The following SRRM4 variants were observed in gnomAD, a reference collection of about 807,000 sequenced individuals.
SRRM4 encodes serine/arginine repetitive matrix 4.
SRRM4 carries 33 observed loss-of-function variants against 68.9 expected under a neutral mutation model. The observed-to-expected ratio is 0.48, with a 90% CI of 0.36 to 0.64. The LOEUF is 0.64. Ranked by LOEUF, SRRM4 falls within the 30% of genes least tolerant of loss-of-function variation. The pLI is 0.00. For missense variants in SRRM4, 817 were observed against 827.1 expected (o/e 0.99, Z 0.15); for synonymous variants, 318 against 318.8 (o/e 1.00, Z 0.03).
intron 7 of SRRM4, among the ~76,000 whole-genome samples, chr12:119,125,681 G>A (rs1183302721): frequency 6.6e-6 from 1 of 151,882 alleles, no homozygotes; most frequent in Non-Finnish European, 1.5e-5. Flanking sequence ...TAGCACTTTG[G>A]GAGGCCGAGG....
intron 6 of SRRM4, 112 bp from the exon 7 acceptor site, chr12:119,125,269 G>A: frequency 1.1e-6 from 1 of 920,206 alleles, no homozygotes; most frequent in Non-Finnish European, 1.7e-6. Flanking sequence ...ACTTCGGGAG[G>A]GATGGTGACC....
At chr12:119,013,226 T>C (rs1362037079) in intron 1 of SRRM4, among the ~76,000 whole-genome samples, 1 of 151,462 alleles carries the variant, frequency 6.6e-6, no homozygotes, top group African/African-American at 2.4e-5. Flanking sequence ...ATAAAGAATG[T>C]CAACAACAAC....
At chr12:119,067,899 A>C (rs1009108220) in intron 1 of SRRM4, among the ~76,000 whole-genome samples, 4 of 152,124 alleles carry the variant, frequency 2.6e-5, no homozygotes, top group Non-Finnish European at 5.9e-5. Flanking sequence ...AATGCACATA[A>C]AGCTCTTAGC....
chr12:119,098,565 G>T lies in SRRM4; in HGVS notation c.132-3671G>T, dbSNP rs113969927. The stretch of plus-strand genomic sequence containing the variant: ...GAGGCAGAAAGACGCAGTCTTGCTC[G>T]CAGGGAGCTCATAGTCCAATTTGAT... On this transcript the variant is annotated intron_variant, in intron 1 of 12. Transcript: ENST00000267260. 1.7e-4 allele frequency among the ~76,000 whole-genome samples: 26 copies of T among 152,308 alleles called. 1 individual carries two copies. The highest frequency in any genetic ancestry group is 3.4e-3 in the Middle Eastern group (1 of 294).
At chr12:119,018,732 A>G (rs1472392859) in intron 1 of SRRM4, among the ~76,000 whole-genome samples, 1 of 152,222 alleles carries the variant, frequency 6.6e-6, no homozygotes, top group Non-Finnish European at 1.5e-5. Context: ...ATTTAGAAAG[A>G]ATCCAATGCC....
chr12:119,137,848 G>A (rs1189530328), intron 8 of SRRM4, among the ~76,000 whole-genome samples: 2 of 152,098 alleles, frequency 1.3e-5, no homozygotes, highest in East Asian at 3.9e-4. Flanking sequence ...CCGGTCTCCT[G>A]GTTCCTTTCA....
intron 1 of SRRM4, among the ~76,000 whole-genome samples, chr12:119,080,831 C>T (rs1525954): frequency 0.88 from 134,316 of 152,208 alleles, 59,625 homozygotes; most frequent in Middle Eastern, 0.95. Context: ...TCTTCAATCT[C>T]TCTTTTTTCA....
chr12:119,116,407 G>T (rs1406870728), intron 3 of SRRM4, among the ~76,000 whole-genome samples: 2 of 152,198 alleles, frequency 1.3e-5, no homozygotes, highest in Non-Finnish European at 2.9e-5. Context: ...GGAGACAAAG[G>T]ATGGGGCAAA....
intron 1 of SRRM4, among the ~76,000 whole-genome samples, chr12:118,993,451 A>G (rs1032812721): frequency 6.6e-6 from 1 of 152,174 alleles, no homozygotes; most frequent in African/African-American, 2.4e-5. Flanking sequence ...GGGGGCATGG[A>G]GGGATTGGAG....
intron 8 of SRRM4, among the ~76,000 whole-genome samples, chr12:119,144,080 C>T (rs1020023705): frequency 4.6e-5 from 7 of 152,114 alleles, no homozygotes; most frequent in Admixed American, 3.3e-4. Context: ...GGCTTTCCAT[C>T]GCCTCCTTTA....
At chr12:118,995,592 T>C (rs1397396773) in intron 1 of SRRM4, among the ~76,000 whole-genome samples, 1 of 152,210 alleles carries the variant, frequency 6.6e-6, no homozygotes, top group East Asian at 1.9e-4. Flanking sequence ...TGTAGAATGC[T>C]TTCCGGAAAC....
intron 1 of SRRM4, chr12:119,069,697 G>T (rs937827157): frequency 6.6e-6 from 1 of 152,166 alleles, no homozygotes; most frequent in Non-Finnish European, 1.5e-5. Flanking sequence ...TAAGAGAAAA[G>T]AATGAATGTT....
intron 2 of SRRM4, among the ~76,000 whole-genome samples, chr12:119,113,659 A>T (rs1046306436): frequency 6.6e-6 from 1 of 152,174 alleles, no homozygotes; most frequent in Non-Finnish European, 1.5e-5. Context: ...TAGTGTTTTT[A>T]AAAAAATCCC....
intron 7 of SRRM4, among the ~76,000 whole-genome samples, chr12:119,130,377 A>G (rs1954288899): frequency 7.2e-6 from 1 of 139,742 alleles, no homozygotes; most frequent in Admixed American, 7.1e-5. Flanking sequence ...AGAGATGGCT[A>G]GTTAGATGGA....
chr12:119,117,172 G>A (rs149865870), intron 4 of SRRM4, among the ~76,000 whole-genome samples, 164 bp downstream of exon 4: 10 of 152,248 alleles, frequency 6.6e-5, no homozygotes, highest in South Asian at 4.2e-4. Context: ...CTGTGGCTGC[G>A]AAGACTAGAG....
intron 1 of SRRM4, among the ~76,000 whole-genome samples, chr12:118,984,347 C>A (rs1180877976): frequency 9.9e-5 from 15 of 152,174 alleles, no homozygotes; most frequent in Admixed American, 9.8e-4. Flanking sequence ...GGCACAATAT[C>A]AGCTGGGTTT....
chr12:119,136,290 C>G (rs963955344), intron 8 of SRRM4, among the ~76,000 whole-genome samples: 3 of 152,182 alleles, frequency 2.0e-5, no homozygotes, highest in African/African-American at 4.8e-5. Context: ...CTGGATGGCT[C>G]AGGCCTTCTG....
chr12:119,088,668 G>A (rs993470312), intron 1 of SRRM4, among the ~76,000 whole-genome samples: 7 of 151,554 alleles, frequency 4.6e-5, no homozygotes, highest in Admixed American at 6.6e-5. Context: ...TTCCTTTTGG[G>A]GGGCGTGGGG....
rs1281356049 is a variant in SRRM4, at chr12:119,130,209, CAGAT to C, written c.615-464_615-461del. Among the ~76,000 whole-genome samples the C allele has an allele frequency of 2.4e-4, 32 of 133,808 alleles. 1 individual carries two copies. The Middle Eastern group carries it at 0.02, about 83-fold the overall frequency. 87.8% of individuals were successfully genotyped at this position (133,808 alleles called of 152,430 possible). A position where few individuals can be genotyped will look rare whatever the true frequency, so the allele number is the denominator to read the frequency against. On this transcript the variant is annotated intron_variant, in intron 7 of 12. Transcript: ENST00000267260. ...GATGATGGATAGATGGTTGCTTAGACAGATAGATGGATGGATGGATAGATGAATG... is the reference window on the plus strand; with the variant it reads ...GATGATGGATAGATGGTTGCTTAGACAGATGGATGGATGGATAGATGAATG...
Sources: gnomAD v4.1 joint callset for allele counts (sites outside exome capture counted in the v4.1 genomes callset) on GRCh38, gnomAD v4.1.1 for gene constraint, MANE v1.5 for transcripts, NCBI Gene and HGNC (gene_info 2026-07-23, HGNC 2026-07-21) for gene names.